The following TANC1 variants were observed in gnomAD, a reference collection of about 807,000 sequenced individuals.
TANC1 encodes the protein tetratricopeptide repeat, ankyrin repeat and coiled-coil containing 1.
A neutral mutation model predicts 149.7 loss-of-function variants in TANC1; 77 were observed. That is an observed-to-expected ratio of 0.51 (90% CI 0.43 to 0.62). TANC1 has a LOEUF of 0.62. Among genes scored for constraint, TANC1 ranks in the 20% least tolerant of loss-of-function variants. TANC1 has a pLI of 0.00. For missense variants in TANC1, 1,985 were observed against 2,321.8 expected (o/e 0.85, Z 2.98); for synonymous variants, 854 against 925.0 (o/e 0.92, Z 1.39).
At chr2:159,216,148 G>A (rs899155078) in intron 19 of TANC1, among the ~76,000 whole-genome samples, 69 of 152,070 alleles carry the variant, frequency 4.5e-4, no homozygotes, top group African/African-American at 1.3e-3. Context: ...TCCATCTCTC[G>A]TTAATGAGCC....
At chr2:159,133,379 G>T (rs2050308152) in intron 4 of TANC1, among the ~76,000 whole-genome samples, 1 of 150,636 alleles carries the variant, frequency 6.6e-6, no homozygotes, top group South Asian at 2.1e-4. Context: ...GTCTGAGACA[G>T]GGTCTTGCTC....
intron 19 of TANC1, among the ~76,000 whole-genome samples, chr2:159,215,150 A>C (rs1309443957): frequency 6.6e-6 from 1 of 152,058 alleles, no homozygotes; most frequent in Admixed American, 6.5e-5. Context: ...CCTGGACCTA[A>C]CCCTTACATT....
Position 158,976,789 on chromosome 2 carries a change from G to A in TANC1, c.-126+8007G>A, listed in dbSNP as rs186998626. On this transcript the variant is annotated intron_variant, in intron 1 of 26. Coordinates refer to ENST00000263635, the MANE Select transcript of TANC1 (RefSeq NM_033394.3). ...TCAGCTACTCGAGAGGCTGAGGCAG[G>A]AGAATCACTTGAACCTGGGAGGTGG... Among the ~76,000 whole-genome samples, 330 of 152,272 alleles carry A rather than the reference G, an allele frequency of 2.2e-3. 2 individuals carry two copies. Among genetic ancestry groups the A allele is most frequent in the African/African-American group, 7.4e-3 (307 of 41,558 alleles).
intron 14 of TANC1, among the ~76,000 whole-genome samples, chr2:159,179,697 C>T (rs2056270614): frequency 6.6e-6 from 1 of 152,220 alleles, no homozygotes; most frequent in Admixed American, 6.5e-5. Context: ...CCCCGCTCCA[C>T]ACCCTTCACC....
At chr2:159,141,841 C>T (rs1375917959) in intron 5 of TANC1, among the ~76,000 whole-genome samples, 2 of 152,122 alleles carry the variant, frequency 1.3e-5, no homozygotes, top group Non-Finnish European at 2.9e-5. Flanking sequence ...CACACAAGAC[C>T]ACAGTATTCT....
In TANC1 at chr2:159,067,731, C is replaced by T. The variant is rs115052809; in HGVS notation, c.61+1760C>T. ...AACTGCCAACCAGTGGGTTATTTTTCTCAGGACCAGGGTCCCCAAGCCTAA... is the reference window on the plus strand; with the variant it reads ...AACTGCCAACCAGTGGGTTATTTTTTTCAGGACCAGGGTCCCCAAGCCTAA... On this transcript the variant is annotated intron_variant, in intron 3 of 26. Coordinates refer to ENST00000263635, the MANE Select transcript of TANC1 (RefSeq NM_033394.3). Among the ~76,000 whole-genome samples, 1,195 of 152,242 alleles carry T rather than the reference C, an allele frequency of 7.8e-3. 14 individuals carry two copies. The highest frequency in any genetic ancestry group is 0.027 in the African/African-American group (1,112 of 41,552).
intron 2 of TANC1, among the ~76,000 whole-genome samples, chr2:159,015,743 C>T (rs1465248496): frequency 1.3e-5 from 2 of 152,160 alleles, no homozygotes; most frequent in African/African-American, 2.4e-5. Context: ...CCACAGATCT[C>T]TAGGGCAGGG....
intron 23 of TANC1, chr2:159,225,441 C>T (rs545654405): frequency 1.8e-5 from 10 of 554,636 alleles, no homozygotes; most frequent in Non-Finnish European, 3.2e-5. Context: ...AATGAGTTTT[C>T]GCTGCTCGGA....
intron 7 of TANC1, among the ~76,000 whole-genome samples, chr2:159,159,106 G>A (rs908313420): frequency 1.3e-5 from 2 of 152,108 alleles, no homozygotes; most frequent in Admixed American, 6.5e-5. Flanking sequence ...GCCCTGGACC[G>A]ACACTGATTT....
chr2:159,052,674 A>G (rs1035625909), intron 2 of TANC1, among the ~76,000 whole-genome samples: 6 of 152,212 alleles, frequency 3.9e-5, no homozygotes, highest in African/African-American at 1.4e-4. Flanking sequence ...ACTCAACTGT[A>G]TTTTCACTAA....
At chr2:159,161,482 C>T (rs928346141) in intron 7 of TANC1, among the ~76,000 whole-genome samples, 6 of 152,134 alleles carry the variant, frequency 3.9e-5, no homozygotes, top group African/African-American at 1.4e-4. Flanking sequence ...TATGGGATGG[C>T]CCCCATTTTT....
intron 2 of TANC1, among the ~76,000 whole-genome samples, chr2:159,010,832 G>C (rs2037684484): frequency 6.6e-6 from 1 of 151,466 alleles, no homozygotes; most frequent in Non-Finnish European, 1.5e-5. Context: ...ATGAAGGAAA[G>C]GTTTATTGGA....
intron 1 of TANC1, among the ~76,000 whole-genome samples, chr2:158,998,178 C>T (rs950053534): frequency 5.9e-5 from 9 of 151,496 alleles, no homozygotes; most frequent in Middle Eastern, 3.4e-3. Context: ...GTGGGCACAT[C>T]GAGGTTCCAG....
chr2:159,041,015 G>C (rs1309328356), intron 2 of TANC1, among the ~76,000 whole-genome samples: 1 of 152,188 alleles, frequency 6.6e-6, no homozygotes, highest in African/African-American at 2.4e-5. Flanking sequence ...CTAAGAGTCA[G>C]GTCCCTCAGC....
chr2:159,113,911 C>T (rs2047992286), intron 4 of TANC1, among the ~76,000 whole-genome samples: 1 of 152,068 alleles, frequency 6.6e-6, no homozygotes, highest in Non-Finnish European at 1.5e-5. Context: ...CCATGAAAAC[C>T]AAATTATTCA....
At chr2:159,024,473 G>A (rs908937709) in intron 2 of TANC1, among the ~76,000 whole-genome samples, 5 of 152,146 alleles carry the variant, frequency 3.3e-5, no homozygotes, top group Admixed American at 1.3e-4. Flanking sequence ...CTATAGGCAT[G>A]GGCGCAGTGG....
chr2:159,040,039 A>T (rs189574778), intron 2 of TANC1, among the ~76,000 whole-genome samples: 1 of 152,302 alleles, frequency 6.6e-6, no homozygotes, highest in African/African-American at 2.4e-5. Flanking sequence ...GTGCTCCTGC[A>T]TTGGGTGCAT....
intron 7 of TANC1, among the ~76,000 whole-genome samples, chr2:159,151,729 A>G (rs1403532109): frequency 6.6e-6 from 1 of 152,040 alleles, no homozygotes; most frequent in Non-Finnish European, 1.5e-5. Context: ...AGACCTCACT[A>G]TAGCTTCTAG....
At chr2:159,229,501 C>A in intron 26 of TANC1, 77 bp from the exon 27 acceptor site, 2 of 1,229,728 alleles carry the variant, frequency 1.6e-6, no homozygotes, top group Non-Finnish European at 2.3e-6. Context: ...CCTTTGAGCA[C>A]AGCTCTTTTA....
Sources: gnomAD v4.1 joint callset for allele counts (sites outside exome capture counted in the v4.1 genomes callset) on GRCh38, gnomAD v4.1.1 for gene constraint, MANE v1.5 for transcripts, NCBI Gene and HGNC (gene_info 2026-07-23, HGNC 2026-07-21) for gene names.